Variants in PSMG2 observed in about 807,000 individuals in gnomAD.
PSMG2 encodes the protein CD40 ligand-activated specific transcript 3.
Under a neutral mutation model 31.5 loss-of-function variants are expected in PSMG2, and 21 were observed. That is an observed-to-expected ratio of 0.67 (90% confidence interval 0.47 to 0.96). PSMG2 has a LOEUF of 0.96. PSMG2 is among the 40% of genes least tolerant of loss of function. PSMG2 has a pLI of 0.00. For synonymous variants in PSMG2, 120 were observed against 110.4 expected, an observed-to-expected ratio of 1.09 and a Z score of -0.54; for missense variants, 318 against 321.2, an observed-to-expected ratio of 0.99 and a Z score of 0.08.
At chr18:12,698,608 G>C (rs1171303996), upstream of PSMG2, among the ~76,000 whole-genome samples, 1 of 152,032 alleles carries the variant, frequency 6.6e-6, no homozygotes, top group African/African-American at 2.4e-5. Context: ...CCTAAACTTC[G>C]ACTTTTAAAA....
At chr18:12,724,368 A>C in intron 5 of PSMG2, 131 bp from the exon 6 acceptor site, 1 of 900,718 alleles carries the variant, frequency 1.1e-6, no homozygotes, top group Non-Finnish European at 1.6e-6. Flanking sequence ...GGAGATGATA[A>C]GTGATCTTAT....
chr18:12,706,550 C>G lies in PSMG2; in HGVS notation c.58C>G (p.Pro20Ala). The change falls in exon 2 of 7, where the codon CCA becomes GCA. Residue 20 changes from proline (P) to alanine (A), a missense_variant and splice_region_variant. Physicochemically the swap from Pro to Ala is conservative, Grantham distance 27 (BLOSUM62 -1). Transcript: ENST00000317615. ...CTGAACATATCTTTTATAATTTCAG[C>G]CAGCAGTATCTGTTGGAAATGTTGG... ...PDLAGFTLLM[P>A]AVSVGNVGQL... The G allele has an allele frequency of 4.3e-6, 7 of 1,612,856 alleles. No homozygotes were observed. Among genetic ancestry groups the G allele is most frequent in the Middle Eastern group, 1.7e-4 (1 of 6,056 alleles).
intron 1 of PSMG2, 55 bp downstream of exon 1, chr18:12,703,219 C>A: frequency 6.5e-7 from 1 of 1,539,734 alleles, no homozygotes; most frequent in Middle Eastern, 1.7e-4. Context: ...TGCGGTGTCG[C>A]CACCCCGACG....
chr18:12,662,231 A>C (rs1197312055), intron 1 of PSMG2: 2 of 437,938 alleles, frequency 4.6e-6, no homozygotes, highest in African/African-American at 4.1e-5. Context: ...TTGTAACCTA[A>C]ATTTTCATTG....
upstream of PSMG2, chr18:12,702,355 C>G: frequency 2.9e-6 from 2 of 691,466 alleles, no homozygotes; most frequent in Non-Finnish European, 5.0e-6. Context: ...TCTGCCTACT[C>G]TGCGTTGCGC....
upstream of PSMG2, chr18:12,702,680 C>A: frequency 2.0e-6 from 2 of 1,024,546 alleles, no homozygotes; most frequent in South Asian, 3.4e-5. Flanking sequence ...GCGCAGCTCC[C>A]GGGGGACGCA....
intron 1 of PSMG2, among the ~76,000 whole-genome samples, chr18:12,677,100 A>G (rs2039162945): frequency 6.6e-6 from 1 of 152,154 alleles, no homozygotes. Context: ...TTTATGACTA[A>G]TACTTTTTAT....
At chr18:12,703,365 G>A (rs1368693383) in intron 1 of PSMG2, among the ~76,000 whole-genome samples, 2 of 152,230 alleles carry the variant, frequency 1.3e-5, no homozygotes, top group Non-Finnish European at 2.9e-5. Context: ...ACCAAACGTA[G>A]TCAAGTCTAC....
intron 1 of PSMG2, among the ~76,000 whole-genome samples, chr18:12,683,119 G>A (rs12458097): frequency 0.23 from 34,703 of 148,020 alleles, 4,725 homozygotes; most frequent in Non-Finnish European, 0.32. Context: ...GCTGAAGCGG[G>A]CAGATCACTT....
intron 1 of PSMG2, among the ~76,000 whole-genome samples, chr18:12,687,598 A>G (rs1262016068): frequency 6.6e-6 from 1 of 151,354 alleles, no homozygotes. Flanking sequence ...GATTACAGGT[A>G]TGTGCCACCA....
At chr18:12,673,303 G>A in intron 1 of PSMG2, 4 of 1,549,384 alleles carry the variant, frequency 2.6e-6, no homozygotes, top group South Asian at 1.2e-5. Flanking sequence ...AAATAGCTAA[G>A]TAATGTACAA....
At position 12,691,120 on chromosome 18, in the gene PSMG2, C is replaced by T. The variant is rs907612441; in HGVS notation, c.-36-15430C>T. Reference sequence around the variant, plus strand: ...TTTAAAACACAATAATTGATTCAACCTGAGAAAGGTGATTTTTCAAAAACC... The same window carrying T: ...TTTAAAACACAATAATTGATTCAACTTGAGAAAGGTGATTTTTCAAAAACC... On this transcript the variant is annotated intron_variant, in intron 1 of 6. Transcript: ENST00000585331. 10 of 366,618 alleles carry T rather than the reference C, an allele frequency of 2.7e-5. 1 individual carries two copies. The South Asian group carries it at 8.5e-4, about 31-fold the overall frequency. The allele number at this position is 366,618 out of a possible 1,614,324, so 22.7% of individuals were successfully genotyped here.
At chr18:12,696,580 T>A (rs184099193) in intron 1 of PSMG2, among the ~76,000 whole-genome samples, 92 of 152,294 alleles carry the variant, frequency 6.0e-4, no homozygotes, top group African/African-American at 2.1e-3. Context: ...TGTGACTAAG[T>A]TTAAAAACCA....
chr18:12,702,991 G>T (rs1018688390), upstream of PSMG2: 12 of 1,180,028 alleles, frequency 1.0e-5, no homozygotes, highest in Middle Eastern at 2.4e-4. Flanking sequence ...GGCGCCCAGG[G>T]ACTCAAAGGA....
Position 12,697,776 on chromosome 18 carries a change from C to A in PSMG2, c.-36-8774C>A, listed in dbSNP as rs189075132. Among the ~76,000 whole-genome samples, 45 of 152,254 alleles carry A rather than the reference C, an allele frequency of 3.0e-4. No individual in the cohort carries two copies. The East Asian group carries it at 8.5e-3, about 29-fold the overall frequency. The stretch of plus-strand genomic sequence containing the variant: ...TACCTCAAGAAATCCCTTTAACCTC[C>A]AGAAATTATCACTGTATAATTGACA... On this transcript the variant is annotated intron_variant, in intron 1 of 6. Transcript: ENST00000585331.
intron 1 of PSMG2, chr18:12,691,192 C>G (rs1053138695): frequency 4.4e-6 from 2 of 449,810 alleles, no homozygotes; most frequent in Non-Finnish European, 7.6e-6. Flanking sequence ...ATTGATCTTG[C>G]CACTCACTAT....
intron 1 of PSMG2, among the ~76,000 whole-genome samples, chr18:12,659,703 A>G (rs893858927): frequency 5.9e-5 from 9 of 152,106 alleles, no homozygotes; most frequent in Non-Finnish European, 1.2e-4. Context: ...AGAGGAGAAG[A>G]AAGCTCCCCA....
At chr18:12,718,759 G>A (rs899558376) in intron 4 of PSMG2, 124 bp downstream of exon 4, 10 of 615,878 alleles carry the variant, frequency 1.6e-5, no homozygotes, top group South Asian at 1.3e-4. Context: ...TTTAGAAAGA[G>A]GGGGGTAAGA....
At chr18:12,683,908 A>G (rs2039444651) in intron 1 of PSMG2, among the ~76,000 whole-genome samples, 1 of 151,768 alleles carries the variant, frequency 6.6e-6, no homozygotes, top group African/African-American at 2.4e-5. Context: ...AAAAAGAAAT[A>G]ATAAACTAGG....
Sources: gnomAD v4.1 joint callset for allele counts (sites outside exome capture counted in the v4.1 genomes callset) on GRCh38, gnomAD v4.1.1 for gene constraint, MANE v1.5 for transcripts, NCBI Gene and HGNC (gene_info 2026-07-23, HGNC 2026-07-21) for gene names.